ESR1: variants seen among roughly 807,000 people sequenced by gnomAD.
ESR1 encodes the protein estrogen receptor.
ESR1 carries 12 observed loss-of-function variants against 52.7 expected under a neutral mutation model. That is an observed-to-expected ratio of 0.23 (90% CI 0.15 to 0.37). The LOEUF (loss-of-function observed/expected upper bound fraction) is 0.37. ESR1 is among the 10% of genes least tolerant of loss of function. ESR1 has a pLI of 1.00. For synonymous variants in ESR1, 305 were observed against 316.8 expected, an observed-to-expected ratio of 0.96 and a Z score of 0.39; for missense variants, 584 against 779.7, an observed-to-expected ratio of 0.75 and a Z score of 2.99.
In ESR1 at chr6:151,939,554, C is replaced by T. The variant is rs147547476; in HGVS notation, c.761-4619C>T. Among the ~76,000 whole-genome samples the T allele has an allele frequency of 3.3e-5, 5 of 152,196 alleles. No individual in the cohort carries two copies. In the East Asian group the frequency reaches 9.7e-4, roughly 29 times the overall value. ...TGTTATTTCTGATTTGCAGTTTTCA[C>T]TTAACCTAGGGTAAAATTGAAATAG... On this transcript the variant is annotated intron_variant, in intron 3 of 7. Transcript: ENST00000206249.
At chr6:152,126,297 AG>A (rs1053676429) in exon 7 of ESR1, 1 of 152,296 alleles carries the variant, frequency 6.6e-6, no homozygotes, top group Admixed American at 6.5e-5. Flanking sequence ...CCTCATCTTC[AG>A]GGGGAACTTG....
chr6:152,093,286 A>G (rs1182317449), intron 6 of ESR1, among the ~76,000 whole-genome samples: 3 of 143,686 alleles, frequency 2.1e-5, no homozygotes, highest in African/African-American at 7.6e-5. Flanking sequence ...AAAAAAAAAC[A>G]AAAAAAAAAA....
chr6:151,740,853 G>A (rs1188396578), intron 2 of ESR1, among the ~76,000 whole-genome samples: 1 of 152,132 alleles, frequency 6.6e-6, no homozygotes, highest in African/African-American at 2.4e-5. Context: ...TCTTTAAAAA[G>A]TGTTGGGACT....
chr6:151,829,942 T>C (rs1341466965), intron 1 of ESR1, among the ~76,000 whole-genome samples: 1 of 152,256 alleles, frequency 6.6e-6, no homozygotes, highest in Non-Finnish European at 1.5e-5. Context: ...TGATCCCTAA[T>C]GACACACAGA....
rs1172351792 is a variant in ESR1, at chr6:152,052,770, G to C, written c.1236-8221G>C. Among the ~76,000 whole-genome samples, 3 of 152,262 alleles carry C rather than the reference G, an allele frequency of 2.0e-5. No individual in the cohort carries two copies. The East Asian group carries it at 5.8e-4, about 29-fold the overall frequency. ...ACCTCCAAAGGCAGGATGGGGGTGAGGTGGGGTGGGCGGTGGTGATCCAAG... is the reference window on the plus strand; with the variant it reads ...ACCTCCAAAGGCAGGATGGGGGTGACGTGGGGTGGGCGGTGGTGATCCAAG... On this transcript the variant is annotated intron_variant, in intron 5 of 7. Transcript: ENST00000206249.
chr6:151,744,169 T>A (rs1421623221), intron 2 of ESR1, among the ~76,000 whole-genome samples: 1 of 152,210 alleles, frequency 6.6e-6, no homozygotes, highest in African/African-American at 2.4e-5. Flanking sequence ...CACAACTGGA[T>A]TTCCACTTTT....
chr6:151,980,510 A>G (rs3020327), intron 4 of ESR1, among the ~76,000 whole-genome samples: 136,016 of 152,194 alleles, frequency 0.89, 61,043 homozygotes, highest in Middle Eastern at 0.95. Context: ...AACAAAAATC[A>G]AAAACTTTCT....
intron 2 of ESR1, among the ~76,000 whole-genome samples, chr6:151,854,088 A>G (rs1414612112): frequency 6.6e-6 from 1 of 152,194 alleles, no homozygotes. Context: ...CCTTTTAAAG[A>G]GAATGGTCTG....
At chr6:151,850,061 T>TAAAA in intron 2 of ESR1, among the ~76,000 whole-genome samples, 2 of 126,416 alleles carry the variant, frequency 1.6e-5, no homozygotes, top group African/African-American at 6.3e-5. Flanking sequence ...TATATATAAT[T>TAAAA]TTATATATAT....
At chr6:152,125,683 CCTGA>C (rs932148884) in exon 7 of ESR1, 25 of 207,220 alleles carry the variant, frequency 1.2e-4, no homozygotes, top group African/African-American at 5.5e-4. Flanking sequence ...TTATTAAATA[CCTGA>C]CTAATTTTCA....
chr6:151,719,235 AG>A (rs562400594), intron 2 of ESR1, among the ~76,000 whole-genome samples: 92 of 152,314 alleles, frequency 6.0e-4, no homozygotes, highest in African/African-American at 2.1e-3. Context: ...TGGTGGAGGC[AG>A]GCAGATGATT....
chr6:151,791,470 T>C (rs530486811), intron 2 of ESR1, among the ~76,000 whole-genome samples: 2 of 152,350 alleles, frequency 1.3e-5, no homozygotes, highest in South Asian at 4.1e-4. Flanking sequence ...GTGAGTCCAT[T>C]AAACCTCTTT....
At chr6:151,672,546 A>G (rs1293949) in intron 1 of ESR1, among the ~76,000 whole-genome samples, 32,103 of 151,970 alleles carry the variant, frequency 0.21, 4,188 homozygotes, top group Non-Finnish European at 0.28. Flanking sequence ...CATGTTGGCC[A>G]GGCTGGTCTC....
chr6:151,824,212 C>T (rs1781075510), intron 1 of ESR1, among the ~76,000 whole-genome samples: 1 of 152,112 alleles, frequency 6.6e-6, no homozygotes, highest in Non-Finnish European at 1.5e-5. Flanking sequence ...TTGCATTTCT[C>T]TGATGGCCAG....
intron 6 of ESR1, among the ~76,000 whole-genome samples, chr6:152,090,510 C>T (rs2050094210): frequency 6.6e-6 from 1 of 152,132 alleles, no homozygotes; most frequent in African/African-American, 2.4e-5. Flanking sequence ...TAGATGTGTC[C>T]CCCATCTCCA....
chr6:151,905,220 C>A (rs1421260929), intron 3 of ESR1, among the ~76,000 whole-genome samples: 1 of 152,060 alleles, frequency 6.6e-6, no homozygotes, highest in Non-Finnish European at 1.5e-5. Context: ...AATGAAACAA[C>A]CTAGGAAGGA....
chr6:151,870,842 G>GCTT (rs980809012), intron 2 of ESR1, among the ~76,000 whole-genome samples: 10 of 151,774 alleles, frequency 6.6e-5, no homozygotes, highest in African/African-American at 1.7e-4. Flanking sequence ...TACATCTTCA[G>GCTT]CTTCTTCTTC....
chr6:151,768,773 A>G (rs1316397114), intron 2 of ESR1, among the ~76,000 whole-genome samples: 1 of 152,190 alleles, frequency 6.6e-6, no homozygotes, highest in Non-Finnish European at 1.5e-5. Flanking sequence ...AATATTTTGT[A>G]CCATTTTCTC....
intron 3 of ESR1, among the ~76,000 whole-genome samples, chr6:151,919,199 T>C (rs913432581): frequency 6.6e-6 from 1 of 152,216 alleles, no homozygotes; most frequent in Non-Finnish European, 1.5e-5. Flanking sequence ...CCTGCTTTCA[T>C]GCAATTTGCA....
Sources: allele counts gnomAD v4.1 joint callset (sites outside exome capture counted in the v4.1 genomes callset), GRCh38; gene constraint gnomAD v4.1.1; transcripts MANE v1.5; gene names NCBI Gene and HGNC (gene_info 2026-07-23, HGNC 2026-07-21).